The following SLF1 variants were observed in gnomAD, a reference collection of about 807,000 sequenced individuals.
SLF1 encodes SMC5-SMC6 complex localization factor protein 1.
SLF1 carries 105 observed loss-of-function variants against 123.0 expected under a neutral mutation model. That is an observed-to-expected ratio of 0.85 (90% CI 0.73 to 1.00). The LOEUF (loss-of-function observed/expected upper bound fraction) is 1.00, where lower values mean the gene tolerates loss of function less well. Among genes scored for constraint, SLF1 ranks in the 50% least tolerant of loss-of-function variants. The pLI is 0.00. For missense variants in SLF1, 1,239 were observed against 1,223.0 expected (o/e 1.01, Z -0.20); for synonymous variants, 434 against 406.6 (o/e 1.07, Z -0.81).
intron 20 of SLF1, among the ~76,000 whole-genome samples, chr5:94,693,386 G>A (rs1250288274): frequency 6.6e-6 from 1 of 151,866 alleles, no homozygotes; most frequent in Non-Finnish European, 1.5e-5. Context: ...CTGGCATTCA[G>A]GCCAATATTT....
rs562757506 is a variant in SLF1, at chr5:94,681,138, C to CT, written c.1975+2192dup. 4.3e-3 allele frequency among the ~76,000 whole-genome samples: 658 copies of CT among 151,330 alleles called. 1 individual carries two copies. Among genetic ancestry groups the CT allele is most frequent in the African/African-American group, 0.015 (630 of 41,286 alleles). ...AAGTTTTAAACATTATTTCTTTTGT[C>CT]TTTTTTTTTGAGACAGAGTCTTACT... On this transcript the variant is annotated intron_variant, in intron 15 of 20. Transcript: ENST00000265140.
chr5:94,634,346 T>TCTG (rs1322963149), intron 4 of SLF1, among the ~76,000 whole-genome samples: 1 of 152,214 alleles, frequency 6.6e-6, no homozygotes, highest in East Asian at 1.9e-4. Flanking sequence ...TAACCACCAT[T>TCTG]CTGCTCTCTG....
chr5:94,626,197 G>C (rs1792227064), intron 1 of SLF1, among the ~76,000 whole-genome samples: 1 of 149,956 alleles, frequency 6.7e-6, no homozygotes, highest in African/African-American at 2.5e-5. Flanking sequence ...AACTTGCACT[G>C]AGCCGAGATC....
intron 4 of SLF1, among the ~76,000 whole-genome samples, chr5:94,641,246 G>A (rs931273114): frequency 6.9e-6 from 1 of 145,856 alleles, no homozygotes; most frequent in Non-Finnish European, 1.5e-5. Flanking sequence ...GTATTGGAAG[G>A]TGGGGCCTTT....
chr5:94,637,538 A>G (rs1297137588), intron 4 of SLF1, among the ~76,000 whole-genome samples: 1 of 152,026 alleles, frequency 6.6e-6, no homozygotes, highest in Admixed American at 6.6e-5. Flanking sequence ...CCCCAAGATT[A>G]AGTAGAATTG....
intron 15 of SLF1, among the ~76,000 whole-genome samples, chr5:94,686,362 C>G (rs115376700): frequency 2.4e-3 from 368 of 151,972 alleles, no homozygotes; most frequent in African/African-American, 8.6e-3. Context: ...TTGTTTTTTT[C>G]AAGTGTGAGA....
At position 94,663,815 on chromosome 5, in the gene SLF1, T is replaced by A; in HGVS notation, c.1275T>A (p.Phe425Leu). ...TTGAAAGCCTCATAGAAGGACATTT[T>A]TTTAAAGAAGCAATTGAGGAACTTT... ...NLIESLIEGH[F>L]FKEAIEELST... The change falls in exon 11 of 21, where the codon TTT (phenylalanine) becomes TTA (leucine). Residue 425 changes from phenylalanine to leucine, a missense_variant. Coordinates refer to ENST00000265140, the MANE Select transcript of SLF1 (RefSeq NM_032290.4). 6.4e-7 allele frequency: 1 copy of A among 1,550,852 alleles called. No individual in the cohort carries two copies. Among genetic ancestry groups the A allele is most frequent in the Non-Finnish European group, 8.7e-7 (1 of 1,146,620 alleles).
chr5:94,634,857 A>C (rs1044227897), intron 4 of SLF1, among the ~76,000 whole-genome samples: 9 of 152,178 alleles, frequency 5.9e-5, no homozygotes, highest in Admixed American at 2.0e-4. Context: ...TGTTATGAGA[A>C]GTGTCTATTC....
intron 18 of SLF1, 150 bp from the exon 19 acceptor site, chr5:94,691,414 A>G: frequency 4.8e-6 from 1 of 206,276 alleles, no homozygotes; most frequent in Non-Finnish European, 9.5e-6. Context: ...CCGCCTTTTT[A>G]AATGCAGGGG....
At chr5:94,657,867 G>T (rs1748597585) in intron 9 of SLF1, among the ~76,000 whole-genome samples, 2 of 151,870 alleles carry the variant, frequency 1.3e-5, no homozygotes, top group Admixed American at 1.3e-4. Flanking sequence ...AGCTACTTCT[G>T]CTCGCTTTGG....
chr5:94,674,588 TCTGTA>T (rs1750834186), intron 14 of SLF1, among the ~76,000 whole-genome samples: 3 of 152,362 alleles, frequency 2.0e-5, no homozygotes, highest in Admixed American at 2.0e-4. Flanking sequence ...GACATCATTT[TCTGTA>T]CTGTAAAGCA....
intron 4 of SLF1, among the ~76,000 whole-genome samples, chr5:94,636,710 ATTTTTTTT>A (rs140191160): frequency 8.0e-5 from 6 of 75,460 alleles, no homozygotes; most frequent in Non-Finnish European, 1.2e-4. Flanking sequence ...TATTTTACTG[ATTTTTTTT>A]TTTTTTTTTT....
rs2152477852 is a variant in SLF1 at position 94,649,614 on chromosome 5, GA to G, written c.738+22del. ...AGAACCCAGGTAAACTTTATAGGCT[GA>G]AAAACATACATTTCTGATGTTTCTT... On this transcript the variant is annotated intron_variant, in intron 6 of 20. Coordinates refer to ENST00000265140, the MANE Select transcript of SLF1 (RefSeq NM_032290.4). 6.9e-7 allele frequency: 1 copy of G among 1,439,186 alleles called. No homozygotes were observed. Among genetic ancestry groups the G allele is most frequent in the South Asian group, 1.5e-5 (1 of 67,248 alleles). 89.2% of individuals were successfully genotyped at this position (1,439,186 alleles called of 1,614,324 possible). A position where few individuals can be genotyped will look rare whatever the true frequency, so the allele number is the denominator to read the frequency against.
intron 1 of SLF1, among the ~76,000 whole-genome samples, chr5:94,623,592 C>T (rs889350214): frequency 6.6e-6 from 1 of 151,734 alleles, no homozygotes; most frequent in East Asian, 1.9e-4. Flanking sequence ...TAAAAATAAC[C>T]ACTGGTACAA....
In SLF1 at chr5:94,695,778, C is replaced by G. The variant is rs1753478901; in HGVS notation, c.*466C>G. 6.6e-6 allele frequency: 1 copy of G among 151,776 alleles called. No homozygotes were observed. The highest frequency in any genetic ancestry group is 1.5e-5 in the Non-Finnish European group (1 of 67,834). 9.4% of individuals were successfully genotyped at this position (151,776 alleles called of 1,614,324 possible). ...AACAAGACTAAACAAAAACATGTAG[C>G]TCCCTATTTCTTCTCTCTAGGTTGT... On this transcript the variant is annotated 3_prime_UTR_variant, in exon 21 of 21. Transcript: ENST00000265140.
chr5:94,637,682 G>C (rs1745972064), intron 4 of SLF1, among the ~76,000 whole-genome samples: 1 of 152,094 alleles, frequency 6.6e-6, no homozygotes, highest in South Asian at 2.1e-4. Flanking sequence ...GAGTGTGGCA[G>C]AACTAGCCTC....
chr5:94,697,172 A>G lies in SLF1; in HGVS notation c.*1860A>G, dbSNP rs1211731834. On this transcript the variant is annotated 3_prime_UTR_variant, in exon 21 of 21. Coordinates refer to ENST00000265140, the MANE Select transcript of SLF1 (RefSeq NM_032290.4). ...TGACATGAAGTGTGAAACAGATGTC[A>G]CTGAGGTCTCTGCCTTTAAGAAGTT... is the stretch of plus-strand genomic sequence containing the variant. 1.3e-5 allele frequency: 2 copies of G among 151,880 alleles called. No individual in the cohort carries two copies. The highest frequency in any genetic ancestry group is 2.9e-5 in the Non-Finnish European group (2 of 67,894). 9.4% of individuals were successfully genotyped at this position (151,880 alleles called of 1,614,324 possible).
At chr5:94,660,379 G>C (rs992610125) in intron 9 of SLF1, among the ~76,000 whole-genome samples, 1 of 152,208 alleles carries the variant, frequency 6.6e-6, no homozygotes, top group African/African-American at 2.4e-5. Flanking sequence ...AGGTAGGCCT[G>C]TTATCAGGCC....
intron 4 of SLF1, among the ~76,000 whole-genome samples, chr5:94,640,814 A>G (rs571477497): frequency 1.6e-4 from 24 of 151,614 alleles, no homozygotes; most frequent in Non-Finnish European, 7.4e-5. Flanking sequence ...TTTCCATTGA[A>G]CTCTCCAGTG....
Sources: gnomAD v4.1 joint callset for allele counts (sites outside exome capture counted in the v4.1 genomes callset) on GRCh38, gnomAD v4.1.1 for gene constraint, MANE v1.5 for transcripts, NCBI Gene and HGNC (gene_info 2026-07-23, HGNC 2026-07-21) for gene names.